The following MINK1 variants were observed in gnomAD, a reference collection of about 807,000 sequenced individuals.
MINK1 encodes the protein misshapen-like kinase 1.
A neutral mutation model predicts 178.4 loss-of-function variants in MINK1; 46 were observed. The ratio of observed to expected loss-of-function variants is 0.26; its 90% CI spans 0.20 to 0.33. The LOEUF (loss-of-function observed/expected upper bound fraction) is 0.33. MINK1 is among the 10% of genes least tolerant of loss of function. The probability of loss-of-function intolerance (pLI) is 1.00; values close to 1 mark genes in which losing one functional copy is unlikely to be tolerated. For synonymous variants in MINK1, 797 were observed against 709.7 expected (o/e 1.12, Z -1.96); for missense variants, 1,366 against 1,814.9 (o/e 0.75, Z 4.49).
At chr17:4,863,274 G>A (rs181639045) in intron 1 of MINK1, among the ~76,000 whole-genome samples, 181 of 152,218 alleles carry the variant, frequency 1.2e-3, no homozygotes, top group Non-Finnish European at 1.5e-3. Context: ...TTCCATGTCT[G>A]CTGTGCTCTC....
chr17:4,845,529 A>C (rs1910882630), intron 1 of MINK1, among the ~76,000 whole-genome samples: 1 of 151,772 alleles, frequency 6.6e-6, no homozygotes, highest in Non-Finnish European at 1.5e-5. Flanking sequence ...AGGGCGGTCA[A>C]CCCTCCTGGA....
At chr17:4,893,099 T>C (rs1969035200) in intron 20 of MINK1, 32 bp downstream of exon 20, 1 of 1,545,028 alleles carries the variant, frequency 6.5e-7, no homozygotes, top group Non-Finnish European at 8.8e-7. Flanking sequence ...ATGGCCTGCC[T>C]CATCCTGGTT....
At chr17:4,851,861 G>T (rs1488956695) in intron 1 of MINK1, among the ~76,000 whole-genome samples, 2 of 152,056 alleles carry the variant, frequency 1.3e-5, no homozygotes, top group Admixed American at 6.6e-5. Flanking sequence ...TTAGCCGGGT[G>T]TGGTGGCTTG....
chr17:4,855,678 G>A (rs1335438391), intron 1 of MINK1, among the ~76,000 whole-genome samples: 3 of 150,224 alleles, frequency 2.0e-5, no homozygotes, highest in South Asian at 2.1e-4. Context: ...GCTGAGGCAG[G>A]AGAATGGCGT....
intron 1 of MINK1, among the ~76,000 whole-genome samples, chr17:4,859,775 C>A (rs564074846): frequency 2.1e-5 from 2 of 97,536 alleles, no homozygotes; most frequent in African/African-American, 8.2e-5. Flanking sequence ...GTGACAAGAG[C>A]GAAACTCCAT....
chr17:4,882,682 C>T (rs1172336133), intron 4 of MINK1, among the ~76,000 whole-genome samples: 3 of 152,198 alleles, frequency 2.0e-5, no homozygotes, highest in Admixed American at 6.5e-5. Flanking sequence ...TGTTGTACCA[C>T]GAAAGCAGCA....
rs762453304 is a variant in MINK1, at chr17:4,896,621, C to T, written c.3775+33C>T. ...AGCTGCCGCCCTCCCAGCCACATGC[C>T]CCGAGGTGGCCCCGGGGTGCAGCCT... On this transcript the variant is annotated intron_variant, in intron 30 of 31. Coordinates refer to ENST00000355280, the MANE Select transcript of MINK1 (RefSeq NM_153827.5). This position sits in a 1 kb window ranked among gnomAD's most constrained non-coding sequence, Gnocchi z 4.6. 2 of 1,612,156 alleles carry T rather than the reference C, an allele frequency of 1.2e-6. No individual in the cohort carries two copies. Among genetic ancestry groups the T allele is most frequent in the South Asian group, 1.1e-5 (1 of 90,952 alleles).
chr17:4,874,620 G>GGGA (rs1393059834), intron 1 of MINK1, among the ~76,000 whole-genome samples: 12 of 152,202 alleles, frequency 7.9e-5, no homozygotes, highest in East Asian at 7.7e-4. Flanking sequence ...ATACAGGAAA[G>GGGA]GGAGGAGGAG....
chr17:4,897,035 A>G (rs1969597167), intron 31 of MINK1, 169 bp from the exon 32 acceptor site: 2 of 863,962 alleles, frequency 2.3e-6, no homozygotes, highest in East Asian at 5.4e-5. Context: ...CCTCTCCCCT[A>G]ACATCCCAGC....
chr17:4,883,201 A>G (rs1597518847), intron 4 of MINK1: 1 of 149,968 alleles, frequency 6.7e-6, no homozygotes, highest in Non-Finnish European at 1.5e-5. Context: ...GATCCAAAGC[A>G]GAAGTTCCTT....
chr17:4,893,214 T>TC (rs1472275861), intron 20 of MINK1, 147 bp downstream of exon 20: 7 of 1,592,824 alleles, frequency 4.4e-6, no homozygotes, highest in African/African-American at 2.7e-5. Context: ...GGTGCTAACC[T>TC]TTCCTAACCT....
chr17:4,836,795 T>A lies in MINK1; in HGVS notation c.57+3155T>A, dbSNP rs77247078. ...TCCTCTGCTTTATTTTTATACAAAA[T>A]TTTATATAGCATTCCCTTAGTCTGC... On this transcript the variant is annotated intron_variant, in intron 1 of 31. Coordinates refer to ENST00000355280, the MANE Select transcript of MINK1 (RefSeq NM_153827.5). This position sits in a 1 kb window ranked among gnomAD's most constrained non-coding sequence, Gnocchi z 4.3. 0.031 allele frequency among the ~76,000 whole-genome samples: 4,750 copies of A among 152,258 alleles called. 247 individuals carry two copies. The highest frequency in any genetic ancestry group is 0.11 in the African/African-American group (4,466 of 41,506).
Position 4,896,088 on chromosome 17 carries a change from A to G in MINK1, c.3450A>G (p.Lys1150=). 6.2e-7 allele frequency: 1 copy of G among 1,607,632 alleles called. No individual in the cohort carries two copies. Among genetic ancestry groups the G allele is most frequent in the Non-Finnish European group, 8.5e-7 (1 of 1,177,120 alleles). ...VYAWAPKPYH[K]FMAFKSFADL... Reference sequence around the variant, plus strand: ...CCTGGGCCCCCAAACCCTACCACAAATTCATGGCCTTCAAGGTAATCCCAG... The same window carrying G: ...CCTGGGCCCCCAAACCCTACCACAAGTTCATGGCCTTCAAGGTAATCCCAG... Residue 1150 remains lysine, a synonymous_variant, in exon 28 of 32, where the codon AAA becomes AAG. Transcript: ENST00000355280. This position sits in a 1 kb window ranked among gnomAD's most constrained non-coding sequence, Gnocchi z 4.6.
At chr17:4,877,438 T>G (rs972888674) in intron 1 of MINK1, among the ~76,000 whole-genome samples, 1 of 152,170 alleles carries the variant, frequency 6.6e-6, no homozygotes, top group Admixed American at 6.5e-5. Flanking sequence ...TCCAGGTCCC[T>G]TTGGCCCCAA....
chr17:4,847,349 C>T (rs1297248560), intron 1 of MINK1: 2 of 415,110 alleles, frequency 4.8e-6, no homozygotes, highest in African/African-American at 4.1e-5. Flanking sequence ...ATCAATTCTC[C>T]TGCCTCAGCC....
At chr17:4,891,327 G>A in intron 15 of MINK1, 129 bp from the exon 16 acceptor site, 1 of 1,334,682 alleles carries the variant, frequency 7.5e-7, no homozygotes. Context: ...CTGTCATCAG[G>A]CTCAAGGAAC....
chr17:4,889,529 CCGGT>C, intron 12 of MINK1, 114 bp from the exon 13 acceptor site: 1 of 880,844 alleles, frequency 1.1e-6, no homozygotes, highest in Non-Finnish European at 1.8e-6. Context: ...CAAGCGGAAG[CCGGT>C]CTCTCTTACC....
intron 1 of MINK1, among the ~76,000 whole-genome samples, chr17:4,840,105 T>A (rs1281660831): frequency 2.6e-5 from 4 of 152,012 alleles, no homozygotes; most frequent in African/African-American, 9.7e-5. Flanking sequence ...GGAAAAAAAA[T>A]TGCTTTTACG....
Position 4,896,150 on chromosome 17 carries a change from C to G in MINK1, c.3466-43C>G. The G allele has an allele frequency of 6.2e-7, 1 of 1,605,000 alleles. No homozygotes were observed. Among genetic ancestry groups the G allele is most frequent in the Non-Finnish European group, 8.5e-7 (1 of 1,175,268 alleles). ...AACACCATCTGGAGTCCCAGCGCCTCTCCCCGTGCCCCTGAGCCCTCCTCT... is the reference window on the plus strand; with the variant it reads ...AACACCATCTGGAGTCCCAGCGCCTGTCCCCGTGCCCCTGAGCCCTCCTCT... On this transcript the variant is annotated intron_variant, in intron 28 of 31. Transcript: ENST00000355280. The surrounding 1 kb of genome is among the most constrained non-coding windows in gnomAD (Gnocchi z 4.6).
Sources: allele counts gnomAD v4.1 joint callset (sites outside exome capture counted in the v4.1 genomes callset), GRCh38; gene constraint gnomAD v4.1.1; non-coding constraint Gnocchi (gnomAD v3.1); transcripts MANE v1.5; gene names NCBI Gene and HGNC (gene_info 2026-07-23, HGNC 2026-07-21).